The following CA10 variants were observed in gnomAD, a reference collection of about 807,000 sequenced individuals.
The protein encoded by CA10 is carbonic anhydrase 10 (inactive).
In CA10, 14 loss-of-function variants were observed where a neutral mutation model predicts 44.2. The ratio of observed to expected loss-of-function variants is 0.32; its 90% confidence interval spans 0.21 to 0.50. The LOEUF (loss-of-function observed/expected upper bound fraction) is 0.50. CA10 is among the 20% of genes least tolerant of loss of function. The probability of loss-of-function intolerance (pLI) is 0.99; values close to 1 mark genes in which losing one functional copy is unlikely to be tolerated. For synonymous variants in CA10, 159 were observed against 141.6 expected, an observed-to-expected ratio of 1.12 and a Z score of -0.87; for missense variants, 350 against 409.7, an observed-to-expected ratio of 0.85 and a Z score of 1.26.
At chr17:51,824,323 C>G (rs1367538357) in intron 3 of CA10, among the ~76,000 whole-genome samples, 4 of 152,156 alleles carry the variant, frequency 2.6e-5, no homozygotes, top group Non-Finnish European at 4.4e-5. Flanking sequence ...TAATACATCC[C>G]TTCAGGTAGT....
At chr17:51,719,887 AAAAAC>A (rs1024266579) in intron 4 of CA10, among the ~76,000 whole-genome samples, 1 of 152,152 alleles carries the variant, frequency 6.6e-6, no homozygotes, top group African/African-American at 2.4e-5. Flanking sequence ...CCTGTCACAA[AAAAAC>A]AAAACAAAAC....
chr17:51,688,862 T>C (rs1163220168), intron 4 of CA10, among the ~76,000 whole-genome samples: 1 of 152,250 alleles, frequency 6.6e-6, no homozygotes, highest in African/African-American at 2.4e-5. Context: ...CCATCTCTTC[T>C]ACCATATACA....
chr17:52,069,592 C>T (rs893884519), intron 2 of CA10, among the ~76,000 whole-genome samples: 3 of 152,174 alleles, frequency 2.0e-5, no homozygotes, highest in African/African-American at 7.2e-5. Context: ...GCTTATCTTC[C>T]TCTTTAGACT....
At chr17:52,149,090 G>A (rs1174622951) in intron 1 of CA10, among the ~76,000 whole-genome samples, 1 of 152,204 alleles carries the variant, frequency 6.6e-6, no homozygotes, top group Non-Finnish European at 1.5e-5. Flanking sequence ...TGTGTAGTGA[G>A]AGAGAGGGGA....
intron 4 of CA10, among the ~76,000 whole-genome samples, chr17:51,673,868 G>T (rs1200443431): frequency 6.6e-6 from 1 of 152,052 alleles, no homozygotes; most frequent in East Asian, 1.9e-4. Context: ...TCACCTCCCT[G>T]CCCAGCCCAC....
At chr17:51,985,020 C>G (rs1984780785) in intron 2 of CA10, among the ~76,000 whole-genome samples, 1 of 151,938 alleles carries the variant, frequency 6.6e-6, no homozygotes, top group African/African-American at 2.4e-5. Context: ...TTCTATGAAG[C>G]CAGCATCACC....
intron 3 of CA10, among the ~76,000 whole-genome samples, chr17:51,797,164 C>T (rs2143708497): frequency 6.6e-6 from 1 of 152,300 alleles, no homozygotes; most frequent in East Asian, 1.9e-4. Context: ...TCATGGGTAG[C>T]TCCAGCGGTT....
intron 3 of CA10, among the ~76,000 whole-genome samples, chr17:51,850,014 G>C (rs1223476545): frequency 6.6e-6 from 1 of 152,200 alleles, no homozygotes; most frequent in Non-Finnish European, 1.5e-5. Context: ...TTCAAGGACA[G>C]GGAAATACAC....
intron 3 of CA10, among the ~76,000 whole-genome samples, chr17:51,757,364 C>T (rs909216226): frequency 2.6e-5 from 4 of 152,120 alleles, no homozygotes; most frequent in Non-Finnish European, 2.9e-5. Context: ...AACTTAGGGG[C>T]GTATGGATTC....
intron 1 of CA10, among the ~76,000 whole-genome samples, chr17:52,135,890 TA>T (rs559545790): frequency 9.5e-4 from 144 of 152,334 alleles, no homozygotes; most frequent in Non-Finnish European, 1.9e-3. Context: ...TCCAAGTTGT[TA>T]AACATGGCTG....
intron 6 of CA10, among the ~76,000 whole-genome samples, chr17:51,642,032 G>C (rs1365678677): frequency 6.6e-6 from 1 of 152,084 alleles, no homozygotes; most frequent in Admixed American, 6.6e-5. Context: ...GTAATCTGAG[G>C]CAAATTCAAC....
rs773851120 is a variant in CA10 at position 51,711,977 on chromosome 17, AGG to A, written c.465+35654_465+35655del. 7.4e-3 allele frequency among the ~76,000 whole-genome samples: 1,134 copies of A among 152,302 alleles called. 7 individuals are homozygous for A. Among genetic ancestry groups the A allele is most frequent in the South Asian group, 0.035 (167 of 4,820 alleles). Reference sequence around the variant, plus strand: ...CAGCGGCTACCGATGGGATCTGGGCAGGAGGTCTACATGACTGGACCAAGGAA... The same window carrying A: ...CAGCGGCTACCGATGGGATCTGGGCAAGGTCTACATGACTGGACCAAGGAA... On this transcript the variant is annotated intron_variant, in intron 4 of 8. Transcript: ENST00000451037.
intron 2 of CA10, among the ~76,000 whole-genome samples, chr17:52,050,682 GT>G (rs1333525117): frequency 4.6e-5 from 7 of 151,910 alleles, no homozygotes; most frequent in African/African-American, 1.7e-4. Context: ...GACTTCCAAG[GT>G]TTGTGCTCCA....
intron 3 of CA10, among the ~76,000 whole-genome samples, chr17:51,788,512 A>T (rs1459779506): frequency 6.6e-6 from 1 of 152,202 alleles, no homozygotes; most frequent in Non-Finnish European, 1.5e-5. Context: ...CTCCATCTAA[A>T]TGTTTGAGGG....
At chr17:52,102,478 C>T (rs560680165) in intron 1 of CA10, among the ~76,000 whole-genome samples, 2 of 152,284 alleles carry the variant, frequency 1.3e-5, no homozygotes, top group South Asian at 2.1e-4. Context: ...TGGAACTTAA[C>T]TTGAGCTATT....
chr17:51,861,553 T>C (rs1428828753), intron 3 of CA10, among the ~76,000 whole-genome samples: 1 of 151,942 alleles, frequency 6.6e-6, no homozygotes, highest in Non-Finnish European at 1.5e-5. Flanking sequence ...GTTTTTTTTT[T>C]TTTTAATGAG....
At chr17:52,044,908 T>C (rs1485165990) in intron 2 of CA10, among the ~76,000 whole-genome samples, 1 of 151,850 alleles carries the variant, frequency 6.6e-6, no homozygotes, top group Non-Finnish European at 1.5e-5. Context: ...TGGTAACAAC[T>C]GTGAAGAAAT....
chr17:52,016,006 T>C (rs962432353), intron 2 of CA10, among the ~76,000 whole-genome samples: 1 of 151,908 alleles, frequency 6.6e-6, no homozygotes, highest in East Asian at 1.9e-4. Context: ...TGAGTAGAGG[T>C]AGACATTGGA....
At chr17:51,783,683 G>T (rs559535570) in intron 3 of CA10, among the ~76,000 whole-genome samples, 16 of 152,256 alleles carry the variant, frequency 1.1e-4, no homozygotes, top group African/African-American at 2.9e-4. Flanking sequence ...TGAGGTGAAG[G>T]TCTGGTTGGT....
Sources: allele counts gnomAD v4.1 joint callset (sites outside exome capture counted in the v4.1 genomes callset), GRCh38; gene constraint gnomAD v4.1.1; transcripts MANE v1.5; gene names NCBI Gene and HGNC (gene_info 2026-07-23, HGNC 2026-07-21).